Variants in SEL1L observed in about 807,000 individuals in gnomAD.
SEL1L encodes SEL1L adaptor subunit of SYVN1 ubiquitin ligase, also known as protein sel-1 homolog 1.
A neutral mutation model predicts 109.8 loss-of-function variants in SEL1L; 52 were observed. The ratio of observed to expected loss-of-function variants is 0.47; its 90% CI spans 0.38 to 0.60. SEL1L has a LOEUF of 0.60. SEL1L is among the 20% of genes least tolerant of loss of function. The pLI is 0.00. For missense variants in SEL1L, 749 were observed against 962.2 expected, an observed-to-expected ratio of 0.78 and a Z score of 2.93; for synonymous variants, 373 against 339.6, an observed-to-expected ratio of 1.10 and a Z score of -1.08.
In SEL1L at chr14:81,478,727, G is replaced by A. The variant is rs186910076; in HGVS notation, c.2175+885C>T. On this transcript the variant is annotated intron_variant, in intron 20 of 20. Transcript: ENST00000336735. ...CCAGTGCTCTGGAACCCTATCTGTG[G>A]AGGACTTCAGCTGCATGGACTAGAC... 3.3e-5 allele frequency among the ~76,000 whole-genome samples: 5 copies of A among 152,322 alleles called. No homozygotes were observed. In the East Asian group the frequency reaches 9.6e-4, roughly 29 times the overall value.
At chr14:81,522,027 A>T (rs1347786206) in intron 3 of SEL1L, among the ~76,000 whole-genome samples, 3 of 152,226 alleles carry the variant, frequency 2.0e-5, no homozygotes, top group Non-Finnish European at 4.4e-5. Flanking sequence ...GTTAAAAAAA[A>T]ATTTAAAAAT....
intron 2 of SEL1L, among the ~76,000 whole-genome samples, chr14:81,527,452 C>CACACACACAA (rs1426580949): frequency 6.6e-6 from 1 of 151,680 alleles, no homozygotes; most frequent in African/African-American, 2.4e-5. Context: ...CACACACACA[C>CACACACACAA]ACACACACAC....
intron 3 of SEL1L, among the ~76,000 whole-genome samples, chr14:81,516,454 C>T (rs373102560): frequency 2.0e-5 from 3 of 152,032 alleles, no homozygotes; most frequent in African/African-American, 4.8e-5. Context: ...TATTAGGGAG[C>T]GATATATTAG....
At chr14:81,526,027 T>G (rs1885099255) in intron 3 of SEL1L, among the ~76,000 whole-genome samples, 1 of 152,176 alleles carries the variant, frequency 6.6e-6, no homozygotes, top group Non-Finnish European at 1.5e-5. Flanking sequence ...AAAATTCTAT[T>G]TTTTTAAAAA....
intron 19 of SEL1L, among the ~76,000 whole-genome samples, chr14:81,480,245 G>C (rs1903306667): frequency 6.6e-6 from 1 of 152,034 alleles, no homozygotes; most frequent in Admixed American, 6.6e-5. Context: ...CTGGAGTGCA[G>C]TGGCGCGATC....
At chr14:81,497,193 T>C (rs1041572571) in intron 10 of SEL1L, among the ~76,000 whole-genome samples, 1 of 152,206 alleles carries the variant, frequency 6.6e-6, no homozygotes, top group African/African-American at 2.4e-5. Flanking sequence ...TACGTTTCAC[T>C]ACGTTTTTTT....
Position 81,474,390 on chromosome 14 carries a change from G to A in SEL1L, c.*2582C>T, listed in dbSNP as rs1413129550. 1 of 152,170 alleles carries A rather than the reference G, an allele frequency of 6.6e-6. No individual in the cohort carries two copies. Among genetic ancestry groups the A allele is most frequent in the Admixed American group, 6.5e-5 (1 of 15,278 alleles). 9.4% of individuals were successfully genotyped at this position (152,170 alleles called of 1,614,324 possible). On this transcript the variant is annotated 3_prime_UTR_variant, in exon 21 of 21. Transcript: ENST00000336735. ...TTTACTGTCATCAAGTTCGAAGGCAGGAAGACAGACTAGAAAAGGTCTTAG... is the reference window on the plus strand; with the variant it reads ...TTTACTGTCATCAAGTTCGAAGGCAAGAAGACAGACTAGAAAAGGTCTTAG...
chr14:81,482,519 C>T (rs773120759), intron 19 of SEL1L, among the ~76,000 whole-genome samples: 4 of 151,974 alleles, frequency 2.6e-5, no homozygotes, highest in East Asian at 1.9e-4. Flanking sequence ...TTAAAAAAAA[C>T]GACAAAAATC....
At chr14:81,496,502 G>A (rs185404022) in intron 10 of SEL1L, among the ~76,000 whole-genome samples, 30 of 152,300 alleles carry the variant, frequency 2.0e-4, no homozygotes, top group Admixed American at 9.8e-4. Flanking sequence ...CCTTTGGGAG[G>A]CTGAGGTGGG....
intron 3 of SEL1L, among the ~76,000 whole-genome samples, chr14:81,510,970 G>C (rs188805213): frequency 5.3e-5 from 8 of 152,204 alleles, no homozygotes; most frequent in Admixed American, 5.2e-4. Flanking sequence ...TGGTTTAAAG[G>C]AAACAAAGTA....
intron 10 of SEL1L, among the ~76,000 whole-genome samples, chr14:81,495,972 A>G (rs1368535462): frequency 2.0e-5 from 3 of 152,044 alleles, no homozygotes; most frequent in African/African-American, 7.2e-5. Context: ...ACAAAAAACA[A>G]AAACACAAAG....
At chr14:81,496,859 G>C (rs920316364) in intron 10 of SEL1L, among the ~76,000 whole-genome samples, 1 of 152,138 alleles carries the variant, frequency 6.6e-6, no homozygotes, top group African/African-American at 2.4e-5. Flanking sequence ...AACACACACA[G>C]AATACTCTGA....
intron 3 of SEL1L, among the ~76,000 whole-genome samples, chr14:81,522,138 T>C (rs1458705508): frequency 2.0e-5 from 3 of 152,188 alleles, no homozygotes; most frequent in Non-Finnish European, 4.4e-5. Context: ...ACAAAATAGT[T>C]GAAAAGCTAA....
At chr14:81,511,321 G>C (rs1884468066) in intron 3 of SEL1L, among the ~76,000 whole-genome samples, 1 of 152,200 alleles carries the variant, frequency 6.6e-6, no homozygotes, top group South Asian at 2.1e-4. Flanking sequence ...AGAGAAAGCA[G>C]CACAATCACT....
Position 81,526,910 on chromosome 14 carries a change from C to T in SEL1L, c.163G>A (p.Val55Ile). ...VKDHTTAGRV[V>I]AGQIFLDSEE... The stretch of plus-strand genomic sequence containing the variant: ...GAATCAAGAAATATTTGACCAGCAA[C>T]TACTCTGCCTGCAGTAGTATGGTCC... Residue 55 changes from valine to isoleucine, a missense_variant, in exon 3 of 21, where the codon GTT becomes ATT. Around this residue, in one of 2 missense-constraint regions of SEL1L, gnomAD observed 366 missense variants for 399.8 expected, o/e 0.92. Coordinates refer to ENST00000336735, the MANE Select transcript of SEL1L (RefSeq NM_005065.6). 1.2e-6 allele frequency: 2 copies of T among 1,600,382 alleles called. No homozygotes were observed. Among genetic ancestry groups the T allele is most frequent in the Non-Finnish European group, 8.5e-7 (1 of 1,175,476 alleles).
rs755226689 is a variant in SEL1L, at chr14:81,533,727, C to G, written c.18G>C (p.Gly6=). 3.7e-6 allele frequency: 6 copies of G among 1,613,528 alleles called. No individual in the cohort carries two copies. The highest frequency in any genetic ancestry group is 5.1e-6 in the Non-Finnish European group (6 of 1,179,848). ...GCACCGCACACAGCAGCAGCGTCAG[C>G]CCTATCCGGACCCGCATCCTCCTCT... The part of the protein sequence containing the change: MRVRI[G]LTLLLCAVLL... The change falls in exon 1 of 21, where the codon GGG becomes GGC. Residue 6 remains glycine, a synonymous_variant. Coordinates refer to ENST00000336735, the MANE Select transcript of SEL1L (RefSeq NM_005065.6).
chr14:81,499,622 G>C lies in SEL1L; in HGVS notation c.818C>G (p.Ser273Ter). ...TAATAGTATTACCTTTGCCTGACTT[G>C]AATTAACACCAAGTCCAGAGGCATA... ...FLYASGLGVN[S>*]SQAKALVYYT... Residue 273 changes from serine (S) to a stop codon, truncating the protein, a stop_gained, in exon 7 of 21, where the codon TCA becomes TGA. Coordinates refer to ENST00000336735, the MANE Select transcript of SEL1L (RefSeq NM_005065.6). LOFTEE classifies it high-confidence loss of function. 1 of 1,610,602 alleles carries C rather than the reference G, an allele frequency of 6.2e-7. No individual in the cohort carries two copies. The highest frequency in any genetic ancestry group is 8.5e-7 in the Non-Finnish European group (1 of 1,179,348).
Position 81,502,775 on chromosome 14 carries a change from T to A in SEL1L, c.723A>T (p.Ala241=), listed in dbSNP as rs1184578858. Residue 241 remains alanine (A), a synonymous_variant, in exon 6 of 21, where the codon GCA becomes GCT. Coordinates refer to ENST00000336735, the MANE Select transcript of SEL1L (RefSeq NM_005065.6). Reference sequence around the variant, plus strand: ...TCAGCTTCTCAAACATCTCTCTCGCTGCCTGGATATTCTGTGGCAAGTAAT... The same window carrying A: ...TCAGCTTCTCAAACATCTCTCTCGCAGCCTGGATATTCTGTGGCAAGTAAT... ...FGDYLPQNIQ[A]AREMFEKLTE... is the part of the protein sequence containing the mutation. The A allele has an allele frequency of 2.5e-6, 4 of 1,614,204 alleles. No homozygotes were observed. Among genetic ancestry groups the A allele is most frequent in the Admixed American group, 1.7e-5 (1 of 60,030 alleles).
intron 1 of SEL1L, among the ~76,000 whole-genome samples, chr14:81,528,615 G>A (rs559109388): frequency 3.0e-4 from 46 of 152,064 alleles, no homozygotes; most frequent in African/African-American, 5.6e-4. Context: ...TTAAAACAGC[G>A]AATCTGTCAG....
Sources: allele counts gnomAD v4.1 joint callset (sites outside exome capture counted in the v4.1 genomes callset), GRCh38; gene constraint gnomAD v4.1.1; regional missense constraint gnomAD v4.1.1; transcripts MANE v1.5; gene names NCBI Gene and HGNC (gene_info 2026-07-23, HGNC 2026-07-21).